Variants in SCAF11 observed in about 807,000 individuals in gnomAD.
SCAF11 encodes the protein protein SCAF11.
SCAF11 carries 47 observed loss-of-function variants against 140.5 expected under a neutral mutation model. The observed-to-expected ratio is 0.33, with a 90% CI of 0.26 to 0.43. The LOEUF (loss-of-function observed/expected upper bound fraction) is 0.43, where lower values mean the gene tolerates loss of function less well. Ranked by LOEUF, SCAF11 falls within the 20% of genes least tolerant of loss-of-function variation. The probability of loss-of-function intolerance (pLI) is 1.00; values close to 1 mark genes in which losing one functional copy is unlikely to be tolerated. For missense variants in SCAF11, 1,645 were observed against 1,705.1 expected, an observed-to-expected ratio of 0.96 and a Z score of 0.62; for synonymous variants, 557 against 579.4, an observed-to-expected ratio of 0.96 and a Z score of 0.55.
At chr12:45,966,888 A>G (rs1945961914) in intron 1 of SCAF11, among the ~76,000 whole-genome samples, 1 of 152,204 alleles carries the variant, frequency 6.6e-6, no homozygotes, top group African/African-American at 2.4e-5. Flanking sequence ...TCTGAGAATA[A>G]AAAAATATTA....
chr12:45,991,472 G>A (rs1946608695), upstream of SCAF11, among the ~76,000 whole-genome samples: 1 of 152,188 alleles, frequency 6.6e-6, no homozygotes, highest in South Asian at 2.1e-4. Flanking sequence ...TGAGGTGGGA[G>A]AATCGCTTGA....
At chr12:45,942,300 A>G (rs1445932127) in intron 6 of SCAF11, among the ~76,000 whole-genome samples, 2 of 152,196 alleles carry the variant, frequency 1.3e-5, no homozygotes, top group East Asian at 1.9e-4. Context: ...ATCTCCACTA[A>G]TATCTCCTTG....
chr12:45,958,423 T>G lies in SCAF11; in HGVS notation c.219+3277A>C, dbSNP rs1945749454. Among the ~76,000 whole-genome samples the G allele has an allele frequency of 2.6e-5, 4 of 152,332 alleles. No individual in the cohort carries two copies. The South Asian group carries it at 8.3e-4, about 32-fold the overall frequency. On this transcript the variant is annotated intron_variant, in intron 3 of 14. Coordinates refer to ENST00000369367, the MANE Select transcript of SCAF11 (RefSeq NM_004719.3). ...ATAAATAACTTCCTAACTGAATAGA[T>G]GATAAGCTTTAGCATACTGGCTCTA... is the stretch of plus-strand genomic sequence containing the variant.
intron 6 of SCAF11, among the ~76,000 whole-genome samples, chr12:45,941,557 T>C (rs992202571): frequency 1.3e-5 from 2 of 152,096 alleles, no homozygotes; most frequent in Non-Finnish European, 2.9e-5. Context: ...GACAAACATC[T>C]CCCTATCTTC....
At chr12:45,971,607 G>A (rs1220501153) in intron 1 of SCAF11, among the ~76,000 whole-genome samples, 1 of 152,124 alleles carries the variant, frequency 6.6e-6, no homozygotes, top group Non-Finnish European at 1.5e-5. Flanking sequence ...AGCTCTAAGA[G>A]AATCCCTCTA....
chr12:45,985,050 C>T (rs1432175996), intron 1 of SCAF11, among the ~76,000 whole-genome samples: 3 of 152,170 alleles, frequency 2.0e-5, no homozygotes, highest in Non-Finnish European at 4.4e-5. Flanking sequence ...TTCCCTGCCC[C>T]AGCACTGGAA....
chr12:45,956,570 C>T (rs1444879104), intron 3 of SCAF11, among the ~76,000 whole-genome samples: 2 of 152,080 alleles, frequency 1.3e-5, no homozygotes, highest in Non-Finnish European at 2.9e-5. Flanking sequence ...GTTCTTTATA[C>T]CAGCATTCAG....
intron 1 of SCAF11, chr12:45,974,140 T>C (rs1361632290): frequency 2.1e-6 from 1 of 469,752 alleles, no homozygotes; most frequent in Admixed American, 2.4e-5. Flanking sequence ...GTCCATGAAG[T>C]GTGCAACAGC....
At chr12:45,938,450 C>A (rs1477660873) in intron 6 of SCAF11, among the ~76,000 whole-genome samples, 1 of 152,118 alleles carries the variant, frequency 6.6e-6, no homozygotes, top group African/African-American at 2.4e-5. Context: ...GATTGTGTCA[C>A]TGTACTCCAG....
intron 6 of SCAF11, among the ~76,000 whole-genome samples, chr12:45,938,476 C>T (rs545087080): frequency 2.0e-5 from 3 of 150,740 alleles, no homozygotes; most frequent in South Asian, 4.2e-4. Flanking sequence ...GTGACAAGAG[C>T]GAGACTGCAT....
chr12:45,981,641 T>A (rs1175641663), intron 1 of SCAF11, among the ~76,000 whole-genome samples: 2 of 152,088 alleles, frequency 1.3e-5, no homozygotes, highest in African/African-American at 2.4e-5. Flanking sequence ...AACAAAAATT[T>A]AAAAAATTAG....
chr12:45,949,057 G>A (rs988192612), intron 4 of SCAF11, among the ~76,000 whole-genome samples: 6 of 152,214 alleles, frequency 3.9e-5, no homozygotes, highest in African/African-American at 1.4e-4. Flanking sequence ...GCATCAGAGA[G>A]TAAGCGGACT....
At chr12:45,967,914 AG>A (rs1372481555) in intron 1 of SCAF11, among the ~76,000 whole-genome samples, 2 of 152,236 alleles carry the variant, frequency 1.3e-5, no homozygotes, top group Non-Finnish European at 2.9e-5. Context: ...AGGATCCACA[AG>A]TATTTTTGAA....
chr12:45,968,537 A>T (rs945674096), intron 1 of SCAF11, among the ~76,000 whole-genome samples: 3 of 149,132 alleles, frequency 2.0e-5, no homozygotes, highest in Non-Finnish European at 3.0e-5. Flanking sequence ...TTTAAAATTT[A>T]AAAAAAAAAG....
At chr12:45,960,716 A>G (rs1945806155) in intron 3 of SCAF11, 1 of 152,006 alleles carries the variant, frequency 6.6e-6, no homozygotes, top group African/African-American at 2.4e-5. Flanking sequence ...TCTTTTGAGA[A>G]CTCAGCCAGA....
rs1033108270 is a variant in SCAF11, at chr12:45,951,543, T to A, written c.297+107A>T. 4.5e-6 allele frequency: 3 copies of A among 670,032 alleles called. No individual in the cohort carries two copies. In the East Asian group the frequency reaches 7.9e-5, roughly 18 times the overall value. The allele number at this position is 670,032 out of a possible 1,614,324, so 41.5% of individuals were successfully genotyped here. ...TGCTAAGGAGGATTAAAATAACATATTAAACCTTAAGTTGAACAATTTTCA... is the reference window on the plus strand; with the variant it reads ...TGCTAAGGAGGATTAAAATAACATAATAAACCTTAAGTTGAACAATTTTCA... On this transcript the variant is annotated intron_variant, in intron 4 of 14. Transcript: ENST00000369367.
Position 45,990,154 on chromosome 12 carries a change from C to T in SCAF11, c.-22+199G>A, listed in dbSNP as rs560756111. 7.2e-5 allele frequency among the ~76,000 whole-genome samples: 11 copies of T among 152,126 alleles called. No individual in the cohort carries two copies. The South Asian group carries it at 2.3e-3, about 32-fold the overall frequency. On this transcript the variant is annotated intron_variant, in intron 1 of 14. Transcript: ENST00000369367. ...CGAGAGGGAAAGGGGCCCTCCCGGCCGCAGCCTCCCCCACTTCGAGAGGTA... is the reference window on the plus strand; with the variant it reads ...CGAGAGGGAAAGGGGCCCTCCCGGCTGCAGCCTCCCCCACTTCGAGAGGTA...
chr12:45,926,387 C>T lies in SCAF11; in HGVS notation c.3314G>A (p.Gly1105Glu). Residue 1105 changes from glycine (G) to glutamate (E), a missense_variant, in exon 11 of 15, where the codon GGG (glycine) becomes GAG (glutamate). Gly to Glu is a moderately conservative substitution (Grantham distance 98). Around this residue, in one of 2 missense-constraint regions of SCAF11, gnomAD observed 1,582 missense variants for 1,609.2 expected, o/e 0.98. Transcript: ENST00000369367. ...NRWQNRKPLSGNSNSSGSESF... is the reference protein window; with the variant it reads ...NRWQNRKPLSENSNSSGSESF... ...TTCACTCCCTGAACTGTTTGAATTC[C>T]CTGAGAGGGGTTTTCGATTTTGCCA... 1 of 1,614,150 alleles carries T rather than the reference C, an allele frequency of 6.2e-7. No individual in the cohort carries two copies. Among genetic ancestry groups the T allele is most frequent in the Non-Finnish European group, 8.5e-7 (1 of 1,180,022 alleles).
rs781089686 is a variant in SCAF11 at position 45,928,795 on chromosome 12, A to G, written c.906T>C (p.Ser302=). Residue 302 remains serine (S), a synonymous_variant, in exon 11 of 15, where the codon TCT becomes TCC. Transcript: ENST00000369367. ...TQEGEEKKQT[S]GTSNTRGSRR... Reference sequence around the variant, plus strand: ...TTGATCCTCTGGTATTTGATGTACCAGAAGTTTGCTTCTTTTCTTCCCCTT... The same window carrying G: ...TTGATCCTCTGGTATTTGATGTACCGGAAGTTTGCTTCTTTTCTTCCCCTT... 6.2e-7 allele frequency: 1 copy of G among 1,613,770 alleles called. No homozygotes were observed. Among genetic ancestry groups the G allele is most frequent in the Non-Finnish European group, 8.5e-7 (1 of 1,180,000 alleles).
Sources: gnomAD v4.1 joint callset for allele counts (sites outside exome capture counted in the v4.1 genomes callset) on GRCh38, gnomAD v4.1.1 for gene constraint, gnomAD v4.1.1 regional missense constraint, MANE v1.5 for transcripts, NCBI Gene and HGNC (gene_info 2026-07-23, HGNC 2026-07-21) for gene names.